CTDP1: variants seen among roughly 807,000 people sequenced by gnomAD.
CTDP1 encodes the protein CTD phosphatase 1.
Under a neutral mutation model 91.8 loss-of-function variants are expected in CTDP1, and 47 were observed. The observed-to-expected ratio is 0.51, with a 90% CI of 0.41 to 0.65. The LOEUF is 0.65. Among genes scored for constraint, CTDP1 ranks in the 30% least tolerant of loss-of-function variants. The pLI, the probability that CTDP1 is intolerant of heterozygous loss-of-function variation, is 0.00. For synonymous variants in CTDP1, 656 were observed against 598.5 expected, an observed-to-expected ratio of 1.10 and a Z score of -1.40; for missense variants, 1,272 against 1,373.7, an observed-to-expected ratio of 0.93 and a Z score of 1.17.
rs1373657266 is a variant in CTDP1 at position 79,686,997 on chromosome 18, G to A, written c.314+6736G>A. 7.3e-5 allele frequency among the ~76,000 whole-genome samples: 9 copies of A among 123,988 alleles called. No individual in the cohort carries two copies. The South Asian group carries it at 2.3e-3, about 32-fold the overall frequency. The allele number at this position is 123,988 out of a possible 152,430, so 81.3% of individuals were successfully genotyped here. On this transcript the variant is annotated intron_variant, in intron 1 of 12. Coordinates refer to ENST00000613122, the MANE Select transcript of CTDP1 (RefSeq NM_004715.5). ...TCCAGTTCACTGGTGGGCCTGCACC[G>A]CAGCAGTTGGCTTCTCCAGTTCACT...
At chr18:79,749,235 G>T (rs1405964390) in intron 12 of CTDP1, among the ~76,000 whole-genome samples, 1 of 152,158 alleles carries the variant, frequency 6.6e-6, no homozygotes, top group Non-Finnish European at 1.5e-5. Flanking sequence ...ACTGGTTCTT[G>T]CACCTCTCGC....
chr18:79,724,929 A>C (rs1337755113), intron 10 of CTDP1, among the ~76,000 whole-genome samples: 1 of 152,140 alleles, frequency 6.6e-6, no homozygotes, highest in East Asian at 1.9e-4. Flanking sequence ...ACTCAGGTGC[A>C]CCTGTGTGGT....
Position 79,695,189 on chromosome 18 carries a change from A to G in CTDP1, c.315-36A>G, listed in dbSNP as rs760505275. ...GGGGGCTCTTTTGATAAACCAAGAG[A>G]TTTTAAAGTGTTGTTCCCCTTGTGT... On this transcript the variant is annotated intron_variant, in intron 1 of 12. Transcript: ENST00000613122. 6.9e-6 allele frequency: 11 copies of G among 1,597,042 alleles called. No homozygotes were observed. In the East Asian group the frequency reaches 2.0e-4, roughly 29 times the overall value.
At position 79,679,847 on chromosome 18, in the gene CTDP1, G is replaced by C; in HGVS notation, c.-101G>C. The C allele has an allele frequency of 8.8e-7, 1 of 1,136,846 alleles. No homozygotes were observed. Among genetic ancestry groups the C allele is most frequent in the Non-Finnish European group, 1.2e-6 (1 of 857,328 alleles). 70.4% of individuals were successfully genotyped at this position (1,136,846 alleles called of 1,614,324 possible). ...GACGGGTGGAAGCCGGTACCGAGAGGAACTACAGCGTCGCCGCCTGGGTTG... is the reference window on the plus strand; with the variant it reads ...GACGGGTGGAAGCCGGTACCGAGAGCAACTACAGCGTCGCCGCCTGGGTTG... On this transcript the variant is annotated 5_prime_UTR_variant, in exon 1 of 13. Coordinates refer to ENST00000613122, the MANE Select transcript of CTDP1 (RefSeq NM_004715.5).
chr18:79,724,724 T>G (rs2086411076), intron 10 of CTDP1, among the ~76,000 whole-genome samples: 1 of 152,234 alleles, frequency 6.6e-6, no homozygotes, highest in Non-Finnish European at 1.5e-5. Flanking sequence ...GGAATCGTGC[T>G]TTTGCTGTGA....
At chr18:79,692,046 C>T (rs2085634872) in intron 1 of CTDP1, among the ~76,000 whole-genome samples, 1 of 14,738 alleles carries the variant, frequency 6.8e-5, no homozygotes, top group Admixed American at 6.3e-4. Flanking sequence ...GAGGAGTGGA[C>T]GGCTCCCAGG....
At chr18:79,678,956 A>G (rs35928863), upstream of CTDP1, 60,711 of 187,776 alleles carry the variant, frequency 0.32, 11,427 homozygotes, top group East Asian at 0.41. Flanking sequence ...TGAGCCTCCC[A>G]AAGTGCTGAG....
chr18:79,717,896 A>C lies in CTDP1; in HGVS notation c.2297A>C (p.Gln766Pro). The C allele has an allele frequency of 6.2e-7, 1 of 1,613,556 alleles. No homozygotes were observed. The highest frequency in any genetic ancestry group is 8.5e-7 in the Non-Finnish European group (1 of 1,180,000). Residue 766 changes from glutamine to proline, a missense_variant, in exon 10 of 13, where the codon CAG (glutamine) becomes CCG (proline). Around this residue, in one of 3 missense-constraint regions of CTDP1, gnomAD observed 881 missense variants for 911.6 expected, o/e 0.97. Transcript: ENST00000613122. Reference sequence around the variant, plus strand: ...CCGATGCCGGTTCTTCCCAAGGCCCAGCCTGGCCCCGAGGTTCGGATCTAC... The same window carrying C: ...CCGATGCCGGTTCTTCCCAAGGCCCCGCCTGGCCCCGAGGTTCGGATCTAC... The part of the protein sequence containing the change: ...FHPMPVLPKA[Q>P]PGPEVRIYDS...
intron 12 of CTDP1, among the ~76,000 whole-genome samples, chr18:79,744,647 T>TA (rs1315896432): frequency 1.3e-5 from 2 of 152,190 alleles, no homozygotes; most frequent in African/African-American, 4.8e-5. Flanking sequence ...CGGATGGAAT[T>TA]ACGATGCTAA....
intron 12 of CTDP1, among the ~76,000 whole-genome samples, chr18:79,748,867 T>TTCTGTGTGTTTGCCGTG (rs56145902): frequency 6.6e-6 from 1 of 150,920 alleles, no homozygotes; most frequent in African/African-American, 2.4e-5. Context: ...GTGTGAGCCG[T>TTCTGTGTGTTTGCCGTG]TCTGTGTGTT....
chr18:79,700,954 T>C (rs1430272326), intron 4 of CTDP1, among the ~76,000 whole-genome samples: 1 of 152,210 alleles, frequency 6.6e-6, no homozygotes, highest in Admixed American at 6.5e-5. Context: ...GCTCCATCCA[T>C]GGAACAACAA....
At chr18:79,750,006 C>T (rs187934531) in intron 12 of CTDP1, 2 of 152,368 alleles carry the variant, frequency 1.3e-5, no homozygotes, top group East Asian at 3.9e-4. Context: ...GTATGATACG[C>T]CTGGCGTCCT....
At chr18:79,747,476 T>C (rs1230739094) in intron 12 of CTDP1, among the ~76,000 whole-genome samples, 2 of 152,334 alleles carry the variant, frequency 1.3e-5, no homozygotes, top group African/African-American at 4.8e-5. Flanking sequence ...AGACCAGCTC[T>C]TGCCGCCTGC....
In CTDP1 at chr18:79,715,410, G is replaced by T. The variant is rs752298646; in HGVS notation, c.1950G>T (p.Pro650=). ...IFSGLHPTNF[P]IEKTREHYHA... ...GTGGGCTACACCCGACAAACTTCCC[G>T]ATAGAGAAGACGCGGGAGCATTACC... Residue 650 remains proline, a synonymous_variant, in exon 8 of 13, where the codon CCG becomes CCT. Coordinates refer to ENST00000613122, the MANE Select transcript of CTDP1 (RefSeq NM_004715.5). 9 of 1,602,500 alleles carry T rather than the reference G, an allele frequency of 5.6e-6. No individual in the cohort carries two copies. Among genetic ancestry groups the T allele is most frequent in the South Asian group, 1.1e-5 (1 of 88,922 alleles).
chr18:79,750,728 G>T (rs1471218429), intron 12 of CTDP1, among the ~76,000 whole-genome samples: 2 of 148,166 alleles, frequency 1.3e-5, no homozygotes, highest in Admixed American at 6.8e-5. Flanking sequence ...TGGTCAGGCT[G>T]GTCTTGAACT....
chr18:79,722,846 C>T (rs374519666), intron 10 of CTDP1, among the ~76,000 whole-genome samples: 2 of 152,242 alleles, frequency 1.3e-5, no homozygotes, highest in African/African-American at 2.4e-5. Context: ...GCGGGGCCTT[C>T]GTGCTGCGGT....
chr18:79,713,998 T>C lies in CTDP1; in HGVS notation c.1031-493T>C, dbSNP rs527282. Among the ~76,000 whole-genome samples the C allele has an allele frequency of 0.57, 30,092 of 53,144 alleles. 9,972 individuals are homozygous for C. Among genetic ancestry groups the C allele is most frequent in the Middle Eastern group, 0.75 (95 of 126 alleles). 34.9% of individuals were successfully genotyped at this position (53,144 alleles called of 152,430 possible). A position where few individuals can be genotyped will look rare whatever the true frequency, so the allele number is the denominator to read the frequency against. On this transcript the variant is annotated intron_variant, in intron 7 of 12. Transcript: ENST00000613122. The surrounding 1 kb of genome is among the most constrained non-coding windows in gnomAD (Gnocchi z 4.7). ...CTGCAGGGGCTTACGGCCACGGTGG[T>C]GCCAGGTCTGCAGGGGCTTACGGCC...
At chr18:79,708,138 A>G (rs1339511293) in intron 5 of CTDP1, among the ~76,000 whole-genome samples, 2 of 152,214 alleles carry the variant, frequency 1.3e-5, no homozygotes, top group African/African-American at 4.8e-5. Context: ...GCAGTACTGC[A>G]TTTGAAACGT....
chr18:79,720,526 C>T (rs1404795149), intron 10 of CTDP1, among the ~76,000 whole-genome samples: 2 of 151,312 alleles, frequency 1.3e-5, no homozygotes, highest in South Asian at 2.1e-4. Flanking sequence ...ATGATGTCAC[C>T]ACCCGTCATT....
Sources: gnomAD v4.1 joint callset for allele counts (sites outside exome capture counted in the v4.1 genomes callset) on GRCh38, gnomAD v4.1.1 for gene constraint, gnomAD v4.1.1 regional missense constraint, Gnocchi (gnomAD v3.1) non-coding constraint, MANE v1.5 for transcripts, NCBI Gene and HGNC (gene_info 2026-07-23, HGNC 2026-07-21) for gene names.